Variants in CACNA1C observed in about 807,000 individuals in gnomAD.
CACNA1C encodes calcium voltage-gated channel subunit alpha1 C, also known as voltage-dependent L-type calcium channel subunit alpha-1C.
CACNA1C carries 30 observed loss-of-function variants against 229.0 expected under a neutral mutation model. The observed-to-expected ratio is 0.13, with a 90% CI of 0.10 to 0.18. The LOEUF is 0.18. Ranked by LOEUF, CACNA1C falls within the 10% of genes least tolerant of loss-of-function variation. The probability of loss-of-function intolerance (pLI) is 1.00; values close to 1 mark genes in which losing one functional copy is unlikely to be tolerated. For missense variants in CACNA1C, 1,658 were observed against 2,845.0 expected (o/e 0.58, Z 9.49); for synonymous variants, 1,114 against 1,132.5 (o/e 0.98, Z 0.33).
chr12:1,977,318 G>A lies in CACNA1C; in HGVS notation c.139+6117G>A, dbSNP rs983313048. On this transcript the variant is annotated intron_variant, in intron 1 of 46. Transcript: ENST00000682462. ...CAGCTGTGGCTACTGGTTTGCCTTCGTTGGAGAGGTGTCATTCTCCGTCTC... is the reference window on the plus strand; with the variant it reads ...CAGCTGTGGCTACTGGTTTGCCTTCATTGGAGAGGTGTCATTCTCCGTCTC... 4.6e-5 allele frequency among the ~76,000 whole-genome samples: 7 copies of A among 152,156 alleles called. No homozygotes were observed. In the South Asian group the frequency reaches 6.2e-4, roughly 14 times the overall value.
chr12:2,008,128 T>C (rs2043790575), intron 1 of CACNA1C, among the ~76,000 whole-genome samples: 1 of 152,032 alleles, frequency 6.6e-6, no homozygotes, highest in Non-Finnish European at 1.5e-5. Context: ...TTTATTTATT[T>C]ATTTTTTGAG....
intron 3 of CACNA1C, among the ~76,000 whole-genome samples, chr12:2,151,362 GAAA>G (rs537213554): frequency 7.9e-6 from 1 of 127,294 alleles, no homozygotes. Context: ...AGTGGTAGCT[GAAA>G]AAAAAAAAAA....
upstream of CACNA1C, chr12:2,049,437 T>C (rs888784165): frequency 1.3e-5 from 2 of 152,264 alleles, no homozygotes; most frequent in Non-Finnish European, 2.9e-5. Flanking sequence ...AGGTTTTCAC[T>C]CTTACAAATA....
Position 2,493,398 on chromosome 12 carries a change from GA to G in CACNA1C, c.1113+13del. 1 of 1,600,142 alleles carries G rather than the reference GA, an allele frequency of 6.2e-7. No individual in the cohort carries two copies. Among genetic ancestry groups the G allele is most frequent in the South Asian group, 1.1e-5 (1 of 90,722 alleles). On this transcript the variant is annotated intron_variant, in intron 7 of 46. Coordinates refer to ENST00000399655, the MANE Select transcript of CACNA1C (RefSeq NM_000719.7). This position sits in a 1 kb window ranked among gnomAD's most constrained non-coding sequence, Gnocchi z 4.6. ...ACGTGCTGTACTGGGTACGTAGCAT[GA>G]GTGGGCAGTCAGAGGGTGGGGGAAC...
chr12:2,550,736 G>A lies in CACNA1C; in HGVS notation c.1481+703G>A, dbSNP rs2099898777. ...GCATCTCCCTTCCCTCCTCGTCTGTGGAATGATGGAGAGCCTGGGCAAGCG... is the reference window on the plus strand; with the variant it reads ...GCATCTCCCTTCCCTCCTCGTCTGTAGAATGATGGAGAGCCTGGGCAAGCG... On this transcript the variant is annotated intron_variant, in intron 10 of 46. Transcript: ENST00000399655. 3 of 1,175,144 alleles carry A rather than the reference G, an allele frequency of 2.6e-6. No homozygotes were observed. In the South Asian group the frequency reaches 3.9e-5, roughly 15 times the overall value. The allele number at this position is 1,175,144 out of a possible 1,614,324, so 72.8% of individuals were successfully genotyped here.
At chr12:2,269,123 A>G (rs940450495) in intron 3 of CACNA1C, among the ~76,000 whole-genome samples, 10 of 152,236 alleles carry the variant, frequency 6.6e-5, no homozygotes, top group Non-Finnish European at 1.3e-4. Flanking sequence ...AAACACTGAC[A>G]GTTACAAAAT....
At chr12:2,004,694 G>A (rs1282517233) in intron 1 of CACNA1C, 7 of 498,306 alleles carry the variant, frequency 1.4e-5, no homozygotes, top group East Asian at 3.5e-5. Flanking sequence ...CTTTCTCCAA[G>A]AGCTGTTTTT....
chr12:2,057,549 T>G (rs988926706), intron 1 of CACNA1C, among the ~76,000 whole-genome samples: 2 of 152,058 alleles, frequency 1.3e-5, no homozygotes, highest in African/African-American at 4.8e-5. Context: ...GACCAGTGTG[T>G]CTCCGTGCCG....
chr12:2,273,306 ATAT>A (rs1333850354), intron 3 of CACNA1C, among the ~76,000 whole-genome samples: 6 of 152,232 alleles, frequency 3.9e-5, no homozygotes, highest in Admixed American at 2.6e-4. Context: ...TTTTATTGTC[ATAT>A]TATTTTTATT....
intron 3 of CACNA1C, among the ~76,000 whole-genome samples, chr12:2,336,099 A>T (rs1223615628): frequency 6.6e-6 from 1 of 151,862 alleles, no homozygotes; most frequent in Non-Finnish European, 1.5e-5. Context: ...TTTAAGCCAC[A>T]TTGATTCCCA....
intron 3 of CACNA1C, among the ~76,000 whole-genome samples, chr12:2,439,069 G>T (rs559696680): frequency 2.6e-5 from 4 of 152,294 alleles, no homozygotes; most frequent in Admixed American, 2.0e-4. Context: ...ATCACCATGA[G>T]CACAGTGAGC....
In CACNA1C at chr12:2,115,244, C is replaced by T. The variant is rs773211348; in HGVS notation, c.70C>T (p.Arg24Cys). 1.5e-5 allele frequency: 24 copies of T among 1,578,244 alleles called. No individual in the cohort carries two copies. Among genetic ancestry groups the T allele is most frequent in the Admixed American group, 3.5e-5 (2 of 56,880 alleles). ...CACAGGTTCCAACTATGGGAGCCCA[C>T]GCCCCGCCCATGCCAACATGAATGC... The part of the protein sequence containing the change: ...NHQGSNYGSP[R>C]PAHANMNANA... The change falls in exon 2 of 47, where the codon CGC (arginine) becomes TGC (cysteine). Residue 24 changes from arginine to cysteine, a missense_variant. Physicochemically the swap from Arg to Cys is radical, Grantham distance 180. Around this residue, in one of 20 missense-constraint regions of CACNA1C, gnomAD observed 111 missense variants for 128.0 expected, o/e 0.87. Coordinates refer to ENST00000399655, the MANE Select transcript of CACNA1C (RefSeq NM_000719.7).
At position 2,595,008 on chromosome 12, in the gene CACNA1C, G is replaced by C. The variant is rs1163918664; in HGVS notation, c.2664-866G>C. ...CGTAGCCTCAGCTCAGTGGAGGTTG[G>C]TGGGAGGGGTTGTTGGTTTGAAGCA... is the stretch of plus-strand genomic sequence containing the variant. On this transcript the variant is annotated intron_variant, in intron 19 of 46. Transcript: ENST00000399655. The surrounding 1 kb of genome is among the most constrained non-coding windows in gnomAD (Gnocchi z 4.1). 1.3e-5 allele frequency among the ~76,000 whole-genome samples: 2 copies of C among 152,328 alleles called. No homozygotes were observed. The highest frequency in any genetic ancestry group is 4.8e-5 in the African/African-American group (2 of 41,590).
chr12:2,640,896 C>T (rs768392194), intron 30 of CACNA1C, among the ~76,000 whole-genome samples: 9 of 152,234 alleles, frequency 5.9e-5, no homozygotes, highest in Admixed American at 4.6e-4. Context: ...ACGTCCACCC[C>T]CTCAGGGGTG....
Position 2,325,604 on chromosome 12 carries a change from A to G in CACNA1C, c.478-123372A>G, listed in dbSNP as rs187063298. Among the ~76,000 whole-genome samples the G allele has an allele frequency of 1.9e-4, 29 of 152,382 alleles. No individual in the cohort carries two copies. The East Asian group carries it at 5.6e-3, about 29-fold the overall frequency. ...ACCATTTGTAATACGGGGATAAGTG[A>G]AGTTACGCACACAAAGTGCACAGCA... On this transcript the variant is annotated intron_variant, in intron 3 of 46. Coordinates refer to ENST00000399655, the MANE Select transcript of CACNA1C (RefSeq NM_000719.7).
chr12:2,251,626 G>A (rs934839541), intron 3 of CACNA1C, among the ~76,000 whole-genome samples: 23 of 152,204 alleles, frequency 1.5e-4, no homozygotes. Context: ...CCATGGGAAT[G>A]AACATACATA....
chr12:2,479,100 G>T lies in CACNA1C; in HGVS notation c.758-7004G>T, dbSNP rs570255544. Among the ~76,000 whole-genome samples the T allele has an allele frequency of 9.5e-4, 144 of 152,148 alleles. No individual in the cohort carries two copies. The highest frequency in any genetic ancestry group is 3.3e-3 in the African/African-American group (139 of 41,496). The stretch of plus-strand genomic sequence containing the variant: ...TCTACATTTTCTTAGAATCTGCATC[G>T]CAAATCCAAGGATAGTGAGGTTCAA... On this transcript the variant is annotated intron_variant, in intron 5 of 46. Coordinates refer to ENST00000399655, the MANE Select transcript of CACNA1C (RefSeq NM_000719.7). This position sits in a 1 kb window ranked among gnomAD's most constrained non-coding sequence, Gnocchi z 4.3.
intron 1 of CACNA1C, among the ~76,000 whole-genome samples, chr12:1,994,983 C>T (rs2040446741): frequency 6.8e-6 from 1 of 146,774 alleles, no homozygotes. Flanking sequence ...ATTCTAGGAT[C>T]TGGGAGGTTT....
At chr12:2,532,827 C>G (rs541964341) in intron 9 of CACNA1C, among the ~76,000 whole-genome samples, 48 of 152,316 alleles carry the variant, frequency 3.2e-4, no homozygotes, top group African/African-American at 1.1e-3. Context: ...CCCAGGCAGT[C>G]GGGCCCAGGT....
Sources: allele counts gnomAD v4.1 joint callset (sites outside exome capture counted in the v4.1 genomes callset), GRCh38; gene constraint gnomAD v4.1.1; regional missense constraint gnomAD v4.1.1; non-coding constraint Gnocchi (gnomAD v3.1); transcripts MANE v1.5; gene names NCBI Gene and HGNC (gene_info 2026-07-23, HGNC 2026-07-21).